MYO9B: variants seen among roughly 807,000 people sequenced by gnomAD.
The protein encoded by MYO9B is myosin IXB, also known as unconventional myosin-IXb.
MYO9B carries 71 observed loss-of-function variants against 229.5 expected under a neutral mutation model. That is an observed-to-expected ratio of 0.31 (90% CI 0.26 to 0.38). MYO9B has a LOEUF of 0.38. Among genes scored for constraint, MYO9B ranks in the 10% least tolerant of loss-of-function variants. The pLI, the probability that MYO9B is intolerant of heterozygous loss-of-function variation, is 1.00. For missense variants in MYO9B, 2,255 were observed against 2,920.5 expected (o/e 0.77, Z 5.25); for synonymous variants, 1,185 against 1,235.8 (o/e 0.96, Z 0.86).
intron 2 of MYO9B, among the ~76,000 whole-genome samples, chr19:17,138,384 A>G (rs907015610): frequency 2.6e-5 from 4 of 152,178 alleles, no homozygotes; most frequent in Admixed American, 2.6e-4. Context: ...TCTCTATCGC[A>G]GAATGATTTA....
At chr19:17,126,175 G>A (rs998778732) in intron 2 of MYO9B, among the ~76,000 whole-genome samples, 7 of 151,996 alleles carry the variant, frequency 4.6e-5, no homozygotes, top group African/African-American at 9.7e-5. Context: ...TCATTTCCTC[G>A]CCTCCAGCCC....
Position 17,172,508 on chromosome 19 carries a change from G to A in MYO9B, c.1935+31G>A, listed in dbSNP as rs1370270131. ...TGTCTGCCCATCACCACTGGTGGAA[G>A]CCTGAGGGAAGCCACAGTCAGCCCA... is the stretch of plus-strand genomic sequence containing the variant. On this transcript the variant is annotated intron_variant, in intron 12 of 39. Transcript: ENST00000682292. This position sits in a 1 kb window ranked among gnomAD's most constrained non-coding sequence, Gnocchi z 8.2. 3 of 1,610,198 alleles carry A rather than the reference G, an allele frequency of 1.9e-6. No homozygotes were observed. Among genetic ancestry groups the A allele is most frequent in the East Asian group, 2.2e-5 (1 of 44,798 alleles).
intron 3 of MYO9B, among the ~76,000 whole-genome samples, chr19:17,150,217 C>A (rs2072461870): frequency 6.6e-6 from 1 of 152,114 alleles, no homozygotes; most frequent in Non-Finnish European, 1.5e-5. Context: ...CAAGACCAGC[C>A]TGGCCAACAT....
chr19:17,125,231 G>A (rs2058004105), intron 2 of MYO9B, among the ~76,000 whole-genome samples: 2 of 151,842 alleles, frequency 1.3e-5, no homozygotes, highest in African/African-American at 4.8e-5. Context: ...AGCCTGGAAG[G>A]CAGAGGTTGC....
In MYO9B at chr19:17,210,756, G is replaced by A. The variant is rs763409105; in HGVS notation, c.5838G>A (p.Leu1946=). The change falls in exon 38 of 40, where the codon CTG becomes CTA. Residue 1946 remains leucine (L), a synonymous_variant. Coordinates refer to ENST00000682292, the MANE Select transcript of MYO9B (RefSeq NM_004145.4). ...CCCGGGACATCCAGGAGGAGGAGCT[G>A]GAGGTGCTGCTGGAGGAGGAGGCAG... ...PKTRDIQEEE[L]EVLLEEEAAG... 3.8e-6 allele frequency: 6 copies of A among 1,567,994 alleles called. No homozygotes were observed. In the African/African-American group the frequency reaches 4.1e-5, roughly 11 times the overall value.
rs1433630925 is a variant in MYO9B, at chr19:17,154,142, TCAGAGG to T, written c.1098+80_1098+85del. On this transcript the variant is annotated intron_variant, in intron 5 of 39. Coordinates refer to ENST00000682292, the MANE Select transcript of MYO9B (RefSeq NM_004145.4). ...AAGCTGTTTATGTATAGCCGGGAAG[TCAGAGG>T]CAGCCTGCCCTGGCCCCCGAACCCG... The T allele has an allele frequency of 2.0e-6, 3 of 1,468,540 alleles. No individual in the cohort carries two copies. The African/African-American group carries it at 4.2e-5, about 20-fold the overall frequency. 91.0% of individuals were successfully genotyped at this position (1,468,540 alleles called of 1,614,324 possible).
At position 17,101,613 on chromosome 19, in the gene MYO9B, C is replaced by T; in HGVS notation, c.-58-47C>T. 7.0e-7 allele frequency: 1 copy of T among 1,437,858 alleles called. No homozygotes were observed. Among genetic ancestry groups the T allele is most frequent in the Non-Finnish European group, 9.1e-7 (1 of 1,097,524 alleles). 89.1% of individuals were successfully genotyped at this position (1,437,858 alleles called of 1,614,324 possible). On this transcript the variant is annotated intron_variant, in intron 1 of 39. Coordinates refer to ENST00000682292, the MANE Select transcript of MYO9B (RefSeq NM_004145.4). This position sits in a 1 kb window ranked among gnomAD's most constrained non-coding sequence, Gnocchi z 4.7. The stretch of plus-strand genomic sequence containing the variant: ...AGTGGGACTCCACATGCCCCTTAAA[C>T]TTCCTCCCACCATTCTGACCATGCC...
chr19:17,126,445 A>G (rs1053073649), intron 2 of MYO9B, among the ~76,000 whole-genome samples: 4 of 152,076 alleles, frequency 2.6e-5, no homozygotes, highest in African/African-American at 4.8e-5. Context: ...GCCCCTGGCC[A>G]CTCTTTTCTC....
chr19:17,162,881 G>A (rs2072619377), intron 9 of MYO9B, 107 bp from the exon 10 acceptor site: 1 of 1,248,498 alleles, frequency 8.0e-7, no homozygotes, highest in South Asian at 1.5e-5. Context: ...GAGCAACAGG[G>A]ACTGGGGACC....
At chr19:17,106,561 C>T (rs530916191) in intron 2 of MYO9B, among the ~76,000 whole-genome samples, 1 of 152,204 alleles carries the variant, frequency 6.6e-6, no homozygotes, top group Non-Finnish European at 1.5e-5. Context: ...CAGCAGGTGG[C>T]CAGGGGGCTC....
intron 35 of MYO9B, among the ~76,000 whole-genome samples, chr19:17,208,433 C>T (rs971962173): frequency 6.8e-6 from 1 of 146,104 alleles, no homozygotes. Context: ...TAAAACAGAA[C>T]TTTTTTTTTT....
intron 36 of MYO9B, 67 bp from the exon 37 acceptor site, chr19:17,210,266 G>A (rs928101119): frequency 1.2e-5 from 18 of 1,457,142 alleles, no homozygotes; most frequent in Non-Finnish European, 1.6e-5. Flanking sequence ...GTCATTGGAT[G>A]TATCCCCAGC....
intron 2 of MYO9B, among the ~76,000 whole-genome samples, chr19:17,112,349 C>T (rs913624595): frequency 1.9e-4 from 29 of 152,136 alleles, no homozygotes; most frequent in African/African-American, 6.8e-4. Context: ...ATAGCAGGGA[C>T]GTCCAGGTAC....
At chr19:17,179,426 T>TC (rs2072829992) in intron 14 of MYO9B, among the ~76,000 whole-genome samples, 2 of 135,488 alleles carry the variant, frequency 1.5e-5, no homozygotes, top group Non-Finnish European at 3.1e-5. Flanking sequence ...ACTGATTTTT[T>TC]TTTTTTTTTT....
intron 34 of MYO9B, 76 bp from the exon 35 acceptor site, chr19:17,207,037 G>T: frequency 6.4e-7 from 1 of 1,556,520 alleles, no homozygotes; most frequent in South Asian, 1.2e-5. Context: ...CCAGGGCTCA[G>T]AAGTTCAGTC....
chr19:17,145,812 C>A (rs768990514), intron 3 of MYO9B, among the ~76,000 whole-genome samples: 29 of 151,998 alleles, frequency 1.9e-4, no homozygotes, highest in Non-Finnish European at 5.9e-5. Context: ...AGTGGGGATG[C>A]GGACTCTGGC....
chr19:17,157,352 C>T (rs1181495781), intron 7 of MYO9B: 3 of 254,648 alleles, frequency 1.2e-5, no homozygotes, highest in South Asian at 6.0e-5. Flanking sequence ...GTCAGGAGTT[C>T]GAGATCAGAT....
At position 17,211,570 on chromosome 19, in the gene MYO9B, G is replaced by A. The variant is rs2073229587; in HGVS notation, c.5931-77G>A. On this transcript the variant is annotated intron_variant, in intron 38 of 39. Transcript: ENST00000682292. ...GACACAGAGTTACATCTAGGAGCAG[G>A]ACAGCCTGCTCTGTTCCACACTGGC... 2.9e-6 allele frequency: 4 copies of A among 1,369,592 alleles called. No homozygotes were observed. In the Admixed American group the frequency reaches 7.0e-5, roughly 24 times the overall value. The allele number at this position is 1,369,592 out of a possible 1,614,324, so 84.8% of individuals were successfully genotyped here.
intron 11 of MYO9B, among the ~76,000 whole-genome samples, chr19:17,170,244 A>G (rs2072708198): frequency 6.6e-6 from 1 of 152,066 alleles, no homozygotes; most frequent in Admixed American, 6.6e-5. Flanking sequence ...ACTAGGTCCC[A>G]CGCTAATGAC....
Sources: allele counts gnomAD v4.1 joint callset (sites outside exome capture counted in the v4.1 genomes callset), GRCh38; gene constraint gnomAD v4.1.1; non-coding constraint Gnocchi (gnomAD v3.1); transcripts MANE v1.5; gene names NCBI Gene and HGNC (gene_info 2026-07-23, HGNC 2026-07-21).